Variants in DAB1 observed in about 807,000 individuals in gnomAD.
DAB1 encodes the protein DAB adaptor protein 1.
A neutral mutation model predicts 64.6 loss-of-function variants in DAB1; 15 were observed. That is an observed-to-expected ratio of 0.23 (90% CI 0.16 to 0.36). The LOEUF (loss-of-function observed/expected upper bound fraction) is 0.36, where lower values mean the gene tolerates loss of function less well. Among genes scored for constraint, DAB1 ranks in the 10% least tolerant of loss-of-function variants. The probability of loss-of-function intolerance (pLI) is 1.00; values close to 1 mark genes in which losing one functional copy is unlikely to be tolerated. For synonymous variants in DAB1, 235 were observed against 251.9 expected (o/e 0.93, Z 0.64); for missense variants, 596 against 706.7 (o/e 0.84, Z 1.78).
At chr1:57,992,468 T>C (rs1646359062) in intron 5 of DAB1, among the ~76,000 whole-genome samples, 1 of 151,754 alleles carries the variant, frequency 6.6e-6, no homozygotes, top group Non-Finnish European at 1.5e-5. Context: ...GAAAATATAA[T>C]TCCACTACCC....
intron 3 of DAB1, among the ~76,000 whole-genome samples, chr1:58,440,458 T>C (rs1034163534): frequency 6.6e-6 from 1 of 152,204 alleles, no homozygotes; most frequent in Non-Finnish European, 1.5e-5. Flanking sequence ...GTACTGAGGA[T>C]AACCTCCTGG....
intron 6 of DAB1, among the ~76,000 whole-genome samples, chr1:57,676,389 A>G (rs1458810890): frequency 6.6e-6 from 1 of 152,222 alleles, no homozygotes; most frequent in Non-Finnish European, 1.5e-5. Context: ...TACCAATCTG[A>G]TCAAAGGAGG....
intron 5 of DAB1, among the ~76,000 whole-genome samples, chr1:58,104,478 A>G (rs1166798942): frequency 1.3e-5 from 2 of 152,182 alleles, no homozygotes; most frequent in Non-Finnish European, 2.9e-5. Flanking sequence ...CAACACTTGT[A>G]CCCTAACTAG....
chr1:57,896,451 C>T (rs1202835), intron 5 of DAB1, among the ~76,000 whole-genome samples: 26,163 of 151,704 alleles, frequency 0.17, 2,661 homozygotes, highest in Admixed American at 0.27. Context: ...TTGTAGTCAG[C>T]TCTTTTATAT....
chr1:57,682,635 A>T (rs1646648920), intron 6 of DAB1, among the ~76,000 whole-genome samples: 1 of 152,040 alleles, frequency 6.6e-6, no homozygotes, highest in Non-Finnish European at 1.5e-5. Flanking sequence ...TTCTAGACAC[A>T]GGGGACCCTG....
intron 5 of DAB1, chr1:58,074,523 C>CATATATATATATAT (rs1233352276): frequency 1.8e-4 from 15 of 84,154 alleles, no homozygotes; most frequent in African/African-American, 6.8e-4. Flanking sequence ...AATATATATA[C>CATATATATATATAT]ATATATATAT....
At chr1:57,751,520 G>A (rs1362091318) in intron 6 of DAB1, among the ~76,000 whole-genome samples, 1 of 152,166 alleles carries the variant, frequency 6.6e-6, no homozygotes, top group Non-Finnish European at 1.5e-5. Context: ...TAGTTGCACT[G>A]CTTTGAGGGA....
At chr1:57,294,763 T>C (rs1416661878) in intron 1 of DAB1, among the ~76,000 whole-genome samples, 2 of 152,160 alleles carry the variant, frequency 1.3e-5, no homozygotes, top group Non-Finnish European at 2.9e-5. Flanking sequence ...CAAAGCCACA[T>C]AGCTAGTAAA....
intron 7 of DAB1, among the ~76,000 whole-genome samples, chr1:57,553,430 G>GAA (rs1335438640): frequency 0.082 from 1,461 of 17,728 alleles, 163 homozygotes; most frequent in East Asian, 0.46. Flanking sequence ...AAGAAAGAAA[G>GAA]AAAGAAAGAA....
At chr1:57,185,875 G>A (rs1331655387) in intron 2 of DAB1, among the ~76,000 whole-genome samples, 3 of 152,034 alleles carry the variant, frequency 2.0e-5, no homozygotes, top group Admixed American at 6.6e-5. Context: ...CCACAATGCC[G>A]GAACAAACTC....
At chr1:57,757,946 A>T (rs1005101036) in intron 6 of DAB1, among the ~76,000 whole-genome samples, 3 of 152,148 alleles carry the variant, frequency 2.0e-5, no homozygotes, top group African/African-American at 7.2e-5. Context: ...CCTCCTGAGT[A>T]GCTAGGACTC....
At chr1:57,269,909 T>A (rs1441701450) in intron 2 of DAB1, among the ~76,000 whole-genome samples, 1 of 152,068 alleles carries the variant, frequency 6.6e-6, no homozygotes, top group Non-Finnish European at 1.5e-5. Context: ...ATTAAGAGGT[T>A]TTGGGCAAAG....
At chr1:57,336,682 G>C (rs1677105884) in intron 1 of DAB1, among the ~76,000 whole-genome samples, 1 of 152,154 alleles carries the variant, frequency 6.6e-6, no homozygotes, top group African/African-American at 2.4e-5. Context: ...TGGCTTTTGA[G>C]TCTGGGCTCT....
intron 5 of DAB1, among the ~76,000 whole-genome samples, chr1:58,126,314 C>A (rs1033654734): frequency 6.6e-6 from 1 of 152,160 alleles, no homozygotes; most frequent in African/African-American, 2.4e-5. Flanking sequence ...GCCAATTCCC[C>A]CAGGGCTCTC....
intron 5 of DAB1, among the ~76,000 whole-genome samples, chr1:58,130,815 G>T (rs1653502445): frequency 6.6e-6 from 1 of 152,160 alleles, no homozygotes; most frequent in African/African-American, 2.4e-5. Context: ...TAGGGTTTCT[G>T]CCGAGAGATC....
At chr1:58,016,995 A>G (rs2100444069) in intron 5 of DAB1, among the ~76,000 whole-genome samples, 1 of 152,286 alleles carries the variant, frequency 6.6e-6, no homozygotes, top group South Asian at 2.1e-4. Flanking sequence ...TTATTCGTAG[A>G]TAAAGAAATT....
chr1:58,123,393 C>A (rs1407128948), intron 5 of DAB1, among the ~76,000 whole-genome samples: 9 of 152,194 alleles, frequency 5.9e-5, no homozygotes, highest in Non-Finnish European at 1.3e-4. Flanking sequence ...TCCAGAGCTG[C>A]AGATAGAATG....
At chr1:58,133,192 A>G (rs1411907203) in intron 5 of DAB1, among the ~76,000 whole-genome samples, 1 of 152,120 alleles carries the variant, frequency 6.6e-6, no homozygotes, top group South Asian at 2.1e-4. Context: ...TAGTCTCAAC[A>G]CTTGCTTTTT....
intron 1 of DAB1, among the ~76,000 whole-genome samples, chr1:57,353,378 A>G (rs1678774690): frequency 6.6e-6 from 1 of 152,046 alleles, no homozygotes; most frequent in South Asian, 2.1e-4. Flanking sequence ...ATGGTTTTCC[A>G]TTCCTTGTTA....
Sources: allele counts gnomAD v4.1 joint callset (sites outside exome capture counted in the v4.1 genomes callset), GRCh38; gene constraint gnomAD v4.1.1; transcripts MANE v1.5; gene names NCBI Gene and HGNC (gene_info 2026-07-23, HGNC 2026-07-21).